Variants in SNTG2 observed in about 807,000 individuals in gnomAD.
SNTG2 encodes syntrophin gamma 2, also known as gamma-2-syntrophin.
In SNTG2, 74 loss-of-function variants were observed where a neutral mutation model predicts 70.9. That is an observed-to-expected ratio of 1.04 (90% CI 0.86 to 1.27). The LOEUF (loss-of-function observed/expected upper bound fraction) is 1.27. Among genes scored for constraint, SNTG2 ranks in the 50% most tolerant of loss-of-function variants. SNTG2 has a pLI of 0.00. For missense variants in SNTG2, 717 were observed against 690.7 expected (o/e 1.04, Z -0.43); for synonymous variants, 278 against 273.8 (o/e 1.02, Z -0.15).
intron 6 of SNTG2, among the ~76,000 whole-genome samples, chr2:1,156,386 T>C (rs1224413342): frequency 6.6e-6 from 1 of 152,134 alleles, no homozygotes; most frequent in African/African-American, 2.4e-5. Context: ...CACTTTTATT[T>C]GCACAGTGAA....
chr2:1,132,049 A>C (rs1668052058), intron 4 of SNTG2, among the ~76,000 whole-genome samples: 1 of 152,178 alleles, frequency 6.6e-6, no homozygotes, highest in Admixed American at 6.5e-5. Context: ...ACTATCAAAT[A>C]CACATTCTCA....
At chr2:1,273,704 C>T (rs1679152394) in intron 14 of SNTG2, among the ~76,000 whole-genome samples, 1 of 150,986 alleles carries the variant, frequency 6.6e-6, no homozygotes, top group Admixed American at 6.6e-5. Flanking sequence ...AACTATAAAA[C>T]TTTTAGAAGA....
intron 1 of SNTG2, among the ~76,000 whole-genome samples, chr2:961,301 G>C (rs1660341753): frequency 6.6e-6 from 1 of 152,098 alleles, no homozygotes; most frequent in Admixed American, 6.6e-5. Flanking sequence ...CTGCCTCTGG[G>C]ATTCAAGCGA....
At chr2:1,144,101 C>T (rs138603266) in intron 6 of SNTG2, among the ~76,000 whole-genome samples, 343 of 152,176 alleles carry the variant, frequency 2.3e-3, no homozygotes, top group African/African-American at 7.5e-3. Context: ...ACTTCAAAAA[C>T]GGTTGACATC....
At chr2:1,161,837 G>A (rs895984055) in intron 6 of SNTG2, among the ~76,000 whole-genome samples, 3 of 152,060 alleles carry the variant, frequency 2.0e-5, no homozygotes, top group African/African-American at 7.2e-5. Flanking sequence ...CAGTTTGGGA[G>A]GCCGAGGCGG....
At chr2:984,318 C>CAAT (rs564143954) in intron 1 of SNTG2, among the ~76,000 whole-genome samples, 1 of 139,418 alleles carries the variant, frequency 7.2e-6, no homozygotes, top group South Asian at 2.3e-4. Context: ...AAAATGAAAA[C>CAAT]AAAGGGCAAA....
At chr2:1,102,993 G>GTAC (rs1665881526) in intron 4 of SNTG2, among the ~76,000 whole-genome samples, 2 of 152,216 alleles carry the variant, frequency 1.3e-5, no homozygotes, top group Non-Finnish European at 2.9e-5. Flanking sequence ...CCGTTGAGGT[G>GTAC]CGGCCTGCGT....
intron 1 of SNTG2, among the ~76,000 whole-genome samples, chr2:972,255 T>G (rs1001846654): frequency 6.6e-6 from 1 of 152,206 alleles, no homozygotes; most frequent in Admixed American, 6.5e-5. Context: ...TCTCCCACTC[T>G]TACTGTACTT....
At chr2:1,105,464 G>A (rs909406966) in intron 4 of SNTG2, among the ~76,000 whole-genome samples, 6 of 152,124 alleles carry the variant, frequency 3.9e-5, no homozygotes, top group African/African-American at 1.4e-4. Flanking sequence ...GTGTGCACCC[G>A]CCAAGGCTCA....
intron 1 of SNTG2, among the ~76,000 whole-genome samples, chr2:956,583 C>G (rs998626949): frequency 6.6e-6 from 1 of 152,256 alleles, no homozygotes; most frequent in Non-Finnish European, 1.5e-5. Flanking sequence ...CCCCCAGGGC[C>G]CCGGCCCACC....
intron 1 of SNTG2, among the ~76,000 whole-genome samples, chr2:1,035,340 T>C (rs1034307285): frequency 6.6e-5 from 10 of 152,184 alleles, no homozygotes; most frequent in African/African-American, 2.2e-4. Flanking sequence ...TGACTGGCAA[T>C]GATTGTCTGT....
At chr2:1,254,228 G>A (rs147552445) in intron 12 of SNTG2, among the ~76,000 whole-genome samples, 14 of 152,294 alleles carry the variant, frequency 9.2e-5, no homozygotes, top group African/African-American at 2.4e-4. Flanking sequence ...AGGAGGGCCC[G>A]GCCCACCCTG....
intron 7 of SNTG2, among the ~76,000 whole-genome samples, chr2:1,166,603 G>C (rs1450788306): frequency 6.6e-6 from 1 of 152,216 alleles, no homozygotes; most frequent in Non-Finnish European, 1.5e-5. Flanking sequence ...ATACAGGAGG[G>C]GGGCAGGGAA....
intron 1 of SNTG2, among the ~76,000 whole-genome samples, chr2:1,060,129 T>G (rs1193743506): frequency 6.6e-6 from 1 of 152,174 alleles, no homozygotes; most frequent in African/African-American, 2.4e-5. Context: ...AGGAAAGATG[T>G]TTAACACCAA....
chr2:1,324,370 G>A (rs1035443024), intron 16 of SNTG2, among the ~76,000 whole-genome samples: 24 of 152,092 alleles, frequency 1.6e-4, no homozygotes, highest in African/African-American at 5.8e-4. Flanking sequence ...AAAACAATAA[G>A]ACATGCATAA....
intron 1 of SNTG2, among the ~76,000 whole-genome samples, chr2:988,315 G>T (rs1661392451): frequency 6.6e-6 from 1 of 152,222 alleles, no homozygotes; most frequent in African/African-American, 2.4e-5. Context: ...CAGAGGCCCT[G>T]AGTCCATTGC....
At position 1,209,360 on chromosome 2, in the gene SNTG2, G is replaced by A; in HGVS notation, c.719+130G>A. The stretch of plus-strand genomic sequence containing the variant: ...CAAGTGTGCGTGCTGTCTTCTGGTA[G>A]ATTTAGCATTTGGAATAAACAAGTT... On this transcript the variant is annotated intron_variant, in intron 9 of 16. Coordinates refer to ENST00000308624, the MANE Select transcript of SNTG2 (RefSeq NM_018968.4). 2.7e-6 allele frequency: 3 copies of A among 1,129,046 alleles called. No homozygotes were observed. In the East Asian group the frequency reaches 7.1e-5, roughly 27 times the overall value. 69.9% of individuals were successfully genotyped at this position (1,129,046 alleles called of 1,614,324 possible).
At chr2:1,231,970 C>A (rs1676283494) in intron 9 of SNTG2, among the ~76,000 whole-genome samples, 1 of 152,166 alleles carries the variant, frequency 6.6e-6, no homozygotes, top group Non-Finnish European at 1.5e-5. Context: ...TGGACGTGCA[C>A]AGCATTCCTG....
chr2:1,132,673 G>A (rs1031825361), intron 4 of SNTG2, among the ~76,000 whole-genome samples: 6 of 152,192 alleles, frequency 3.9e-5, no homozygotes, highest in Non-Finnish European at 7.3e-5. Context: ...GTCCGCCGCT[G>A]TTAGGCGGGT....
Sources: allele counts gnomAD v4.1 joint callset (sites outside exome capture counted in the v4.1 genomes callset), GRCh38; gene constraint gnomAD v4.1.1; transcripts MANE v1.5; gene names NCBI Gene and HGNC (gene_info 2026-07-23, HGNC 2026-07-21).